LANCL3: variants seen among roughly 807,000 people sequenced by gnomAD.
LANCL3 encodes the protein lanC-like protein 3.
In LANCL3, 19 loss-of-function variants were observed where a neutral mutation model predicts 26.5. That is an observed-to-expected ratio of 0.72 (90% CI 0.50 to 1.05). The LOEUF is 1.05. Among genes scored for constraint, LANCL3 ranks in the 50% least tolerant of loss-of-function variants. The probability of loss-of-function intolerance (pLI) is 0.00; values close to 1 mark genes in which losing one functional copy is unlikely to be tolerated. For missense variants in LANCL3, 318 were observed against 362.7 expected (o/e 0.88, Z 1.00); for synonymous variants, 160 against 166.6 (o/e 0.96, Z 0.30).
At chrX:37,604,418 T>C (rs1358351366) in intron 1 of LANCL3, among the ~76,000 whole-genome samples, 3 of 112,311 alleles carry the variant, frequency 2.7e-5, no homozygotes, top group Non-Finnish European at 3.8e-5. Context: ...CTTGGGCACA[T>C]GTGTCAGTTA....
chrX:37,649,508 A>G (rs1403538546), intron 1 of LANCL3, among the ~76,000 whole-genome samples: 2 of 111,536 alleles, frequency 1.8e-5, no homozygotes, highest in African/African-American at 6.5e-5. Context: ...GGTACAGCAA[A>G]CCACCATGAC....
In LANCL3 at chrX:37,680,401, TGCCTTTA is replaced by T. The variant is rs782399547; in HGVS notation, c.*4590_*4596del. The T allele has an allele frequency of 8.9e-6, 1 of 111,946 alleles. No homozygotes were observed. Among genetic ancestry groups the T allele is most frequent in the Non-Finnish European group, 1.9e-5 (1 of 53,203 alleles). 9.2% of individuals were successfully genotyped at this position (111,946 alleles called of 1,213,427 possible). A position where few individuals can be genotyped will look rare whatever the true frequency, so the allele number is the denominator to read the frequency against. On this transcript the variant is annotated 3_prime_UTR_variant, in exon 5 of 5. Transcript: ENST00000378619. ...CAATGAATCGAGGCCTGGTGGATGATGCCTTTAGAGTTTTTTGTTTTGTTTTGTTTTT... is the reference window on the plus strand; with the variant it reads ...CAATGAATCGAGGCCTGGTGGATGATGAGTTTTTTGTTTTGTTTTGTTTTT...
chrX:37,668,316 C>CCTAGTTATATAT (rs1926599090), intron 4 of LANCL3: 1 of 205,548 alleles, frequency 4.9e-6, no homozygotes, highest in African/African-American at 3.4e-5. Context: ...TAGTTATATA[C>CCTAGTTATATAT]ATAAATATAT....
intron 1 of LANCL3, among the ~76,000 whole-genome samples, chrX:37,635,510 A>G (rs1925681729): frequency 1.8e-5 from 2 of 111,703 alleles, no homozygotes; most frequent in Admixed American, 9.5e-5. Flanking sequence ...AACATTAAAA[A>G]CCATAGGTAA....
rs781977892 is a variant in LANCL3, at chrX:37,640,103, G to A, written c.574-15585G>A. Reference sequence around the variant, plus strand: ...AGTGGCAGAATAAGACACATTTGGCGAAATAAAACATGGAGCATGATATGA... The same window carrying A: ...AGTGGCAGAATAAGACACATTTGGCAAAATAAAACATGGAGCATGATATGA... On this transcript the variant is annotated intron_variant, in intron 1 of 4. Transcript: ENST00000378619. Among the ~76,000 whole-genome samples, 8 of 112,042 alleles carry A rather than the reference G, an allele frequency of 7.1e-5. No individual in the cohort carries two copies. In the South Asian group the frequency reaches 2.2e-3, roughly 31 times the overall value.
intron 1 of LANCL3, among the ~76,000 whole-genome samples, chrX:37,596,406 AG>A (rs1202967710): frequency 3.6e-5 from 4 of 112,254 alleles, no homozygotes; most frequent in Non-Finnish European, 5.6e-5. Context: ...TTTGAGCTTA[AG>A]GGATTTTATG....
chrX:37,653,450 C>T (rs1243633005), intron 1 of LANCL3, among the ~76,000 whole-genome samples: 1 of 112,237 alleles, frequency 8.9e-6, no homozygotes, highest in Non-Finnish European at 1.9e-5. Flanking sequence ...CAAAAACTTC[C>T]TCTGTCATAT....
intron 1 of LANCL3, among the ~76,000 whole-genome samples, chrX:37,652,028 T>A (rs201893156): frequency 0.14 from 13,720 of 95,241 alleles, 720 homozygotes; most frequent in Non-Finnish European, 0.18. Context: ...GACAGCTTCA[T>A]TTTTTTTTTT....
chrX:37,664,424 T>G (rs190117642), intron 3 of LANCL3, among the ~76,000 whole-genome samples: 1 of 112,501 alleles, frequency 8.9e-6, no homozygotes, highest in Admixed American at 9.4e-5. Context: ...GATGCCCAAT[T>G]AATATAGAAA....
At chrX:37,634,444 C>T (rs1295209518) in intron 1 of LANCL3, among the ~76,000 whole-genome samples, 6 of 112,869 alleles carry the variant, frequency 5.3e-5, no homozygotes, top group Non-Finnish European at 1.1e-4. Flanking sequence ...GTGCGCTGCA[C>T]CCACTGTCCT....
chrX:37,584,082 G>T (rs782239417), intron 1 of LANCL3, among the ~76,000 whole-genome samples: 1 of 111,663 alleles, frequency 9.0e-6, no homozygotes, highest in South Asian at 3.8e-4. Flanking sequence ...TAATCGTGTG[G>T]TTTTTGTCTT....
At chrX:37,579,853 G>T (rs1476175519) in intron 1 of LANCL3, among the ~76,000 whole-genome samples, 1 of 111,259 alleles carries the variant, frequency 9.0e-6, no homozygotes, top group Non-Finnish European at 1.9e-5. Context: ...TTATCAAATT[G>T]CCCTCCAAAA....
Position 37,681,532 on chromosome X carries a change from C to G in LANCL3, c.*5719C>G, listed in dbSNP as rs1370189108. On this transcript the variant is annotated 3_prime_UTR_variant, in exon 5 of 5. Coordinates refer to ENST00000378619, the MANE Select transcript of LANCL3 (RefSeq NM_001170331.2). ...AGCTGCAATATTTCCCCAAATGCAGCCCAGCAGTACCATGAGCTGCCCTGT... is the reference window on the plus strand; with the variant it reads ...AGCTGCAATATTTCCCCAAATGCAGGCCAGCAGTACCATGAGCTGCCCTGT... 4 of 111,863 alleles carry G rather than the reference C, an allele frequency of 3.6e-5. No individual in the cohort carries two copies. Among genetic ancestry groups the G allele is most frequent in the Non-Finnish European group, 5.6e-5 (3 of 53,135 alleles). 9.2% of individuals were successfully genotyped at this position (111,863 alleles called of 1,213,427 possible).
At chrX:37,670,322 A>T (rs1332104262) in intron 4 of LANCL3, among the ~76,000 whole-genome samples, 1 of 111,499 alleles carries the variant, frequency 9.0e-6, no homozygotes, top group Non-Finnish European at 1.9e-5. Flanking sequence ...AGCCTTTGTC[A>T]TACCAAAGTT....
In LANCL3 at chrX:37,572,022, C is replaced by A; in HGVS notation, c.152C>A (p.Ala51Asp). 1.7e-6 allele frequency: 2 copies of A among 1,185,497 alleles called. No individual in the cohort carries two copies. Among genetic ancestry groups the A allele is most frequent in the Non-Finnish European group, 2.3e-6 (2 of 882,850 alleles). ...CCCCCACTCGGGGGCGGCGCGGAGG[C>A]CCGAGGGGCGACGGCGGGGGCTAGC... The part of the protein sequence containing the change: ...ELPPLGGGAE[A>D]RGATAGASAC... The change falls in exon 1 of 5, where the codon GCC becomes GAC. Residue 51 changes from alanine to aspartate, a missense_variant. Transcript: ENST00000378619.
intron 1 of LANCL3, among the ~76,000 whole-genome samples, chrX:37,578,912 G>A (rs1176794587): frequency 9.4e-6 from 1 of 105,953 alleles, no homozygotes; most frequent in African/African-American, 3.5e-5. Flanking sequence ...CCCGGGAGGC[G>A]GAGGTTGCGG....
intron 4 of LANCL3, among the ~76,000 whole-genome samples, chrX:37,674,751 C>G (rs1201480240): frequency 9.0e-6 from 1 of 111,070 alleles, no homozygotes. Context: ...CTAAAAAAAT[C>G]AAATAAATAA....
At position 37,572,450 on chromosome X, in the gene LANCL3, G is replaced by C; in HGVS notation, c.573+7G>C. On this transcript the variant is annotated splice_region_variant and intron_variant, in intron 1 of 4. Transcript: ENST00000378619. ...GCAGAAACTCGCCCAGGAGGTAAGA[G>C]GTAGCCCGGGCCGCGGGAGGGCGCT... The C allele has an allele frequency of 8.6e-7, 1 of 1,166,381 alleles. No individual in the cohort carries two copies. The highest frequency in any genetic ancestry group is 3.2e-5 in the East Asian group (1 of 31,048).
At chrX:37,599,694 A>G (rs1176017215) in intron 1 of LANCL3, among the ~76,000 whole-genome samples, 1 of 112,144 alleles carries the variant, frequency 8.9e-6, no homozygotes, top group East Asian at 2.8e-4. Flanking sequence ...ACCACAACAT[A>G]CAGTGGCATA....
Sources: gnomAD v4.1 joint callset for allele counts (sites outside exome capture counted in the v4.1 genomes callset) on GRCh38, gnomAD v4.1.1 for gene constraint, MANE v1.5 for transcripts, NCBI Gene and HGNC (gene_info 2026-07-23, HGNC 2026-07-21) for gene names.